The following RASL10B variants were observed in gnomAD, a reference collection of about 807,000 sequenced individuals.
RASL10B encodes the protein RAS like family 10 member B, also known as ras-like protein family member 10B.
In RASL10B, 10 loss-of-function variants were observed where a neutral mutation model predicts 20.7. That is an observed-to-expected ratio of 0.48 (90% CI 0.30 to 0.82). The LOEUF is 0.82. Among genes scored for constraint, RASL10B ranks in the 40% least tolerant of loss-of-function variants. The pLI is 0.07. For synonymous variants in RASL10B, 110 were observed against 123.3 expected, an observed-to-expected ratio of 0.89 and a Z score of 0.72; for missense variants, 231 against 295.4, an observed-to-expected ratio of 0.78 and a Z score of 1.60.
chr17:35,736,074 C>T (rs782321296), intron 2 of RASL10B, among the ~76,000 whole-genome samples: 2 of 152,202 alleles, frequency 1.3e-5, no homozygotes, highest in Non-Finnish European at 2.9e-5. Flanking sequence ...GACCTCAGGA[C>T]CTGCCTGCTG....
In RASL10B at chr17:35,740,528, G is replaced by T; in HGVS notation, c.336G>T (p.Glu112Asp). The change falls in exon 3 of 4, where the codon GAG (glutamate) becomes GAT (aspartate). Residue 112 changes from glutamate to aspartate, a missense_variant. Transcript: ENST00000603017. ...YVKTIRQQIL[E>D]TRVIGTSETP... ...AGACCATCCGCCAGCAGATCCTGGA[G>T]ACGAGGTGAGAGGCTGGAACACAGT... 6.2e-7 allele frequency: 1 copy of T among 1,613,406 alleles called. No individual in the cohort carries two copies. Among genetic ancestry groups the T allele is most frequent in the South Asian group, 1.1e-5 (1 of 91,024 alleles).
At position 35,735,444 on chromosome 17, in the gene RASL10B, G is replaced by C. The variant is rs782819445; in HGVS notation, c.216+44G>C. 7.5e-6 allele frequency: 12 copies of C among 1,590,004 alleles called. No homozygotes were observed. The highest frequency in any genetic ancestry group is 1.7e-4 in the Middle Eastern group (1 of 5,994). On this transcript the variant is annotated intron_variant, in intron 2 of 3. Transcript: ENST00000603017. This position sits in a 1 kb window ranked among gnomAD's most constrained non-coding sequence, Gnocchi z 6.7. ...GCATGGGTTAGTGGGGAAACGGATG[G>C]GTAGGGGAGAGGCTGGATTCCAAAC...
intron 1 of RASL10B, among the ~76,000 whole-genome samples, chr17:35,733,370 CA>C (rs2085571396): frequency 6.6e-6 from 1 of 152,202 alleles, no homozygotes; most frequent in African/African-American, 2.4e-5. Flanking sequence ...GTTTCTTGCC[CA>C]AGGTCACACT....
In RASL10B at chr17:35,741,443, G is replaced by A. The variant is rs1330737125; in HGVS notation, c.*138G>A. 1 of 1,262,736 alleles carries A rather than the reference G, an allele frequency of 7.9e-7. No homozygotes were observed. Among genetic ancestry groups the A allele is most frequent in the Admixed American group, 4.0e-5 (1 of 25,138 alleles). 78.2% of individuals were successfully genotyped at this position (1,262,736 alleles called of 1,614,324 possible). A position where few individuals can be genotyped will look rare whatever the true frequency, so the allele number is the denominator to read the frequency against. On this transcript the variant is annotated 3_prime_UTR_variant, in exon 4 of 4. Coordinates refer to ENST00000603017, the MANE Select transcript of RASL10B (RefSeq NM_033315.4). Reference sequence around the variant, plus strand: ...AGGCCCCTGCAGCCACGCACCTCCCGGTGAGAAGCAGAGCGCGAGAGGGAG... The same window carrying A: ...AGGCCCCTGCAGCCACGCACCTCCCAGTGAGAAGCAGAGCGCGAGAGGGAG...
chr17:35,740,851 A>G (rs1196821391), intron 3 of RASL10B, among the ~76,000 whole-genome samples, 184 bp from the exon 4 acceptor site: 4 of 152,380 alleles, frequency 2.6e-5, no homozygotes, highest in African/African-American at 4.8e-5. Flanking sequence ...AAATGGGGAT[A>G]ACAGTAGAAC....
In RASL10B at chr17:35,741,524, C is replaced by T. The variant is rs1286735860; in HGVS notation, c.*219C>T. 1 of 641,346 alleles carries T rather than the reference C, an allele frequency of 1.6e-6. No individual in the cohort carries two copies. The highest frequency in any genetic ancestry group is 2.4e-6 in the Non-Finnish European group (1 of 420,912). 39.7% of individuals were successfully genotyped at this position (641,346 alleles called of 1,614,324 possible). Reference sequence around the variant, plus strand: ...CCCCCGTGGCTTCCTGGGACAGCCGCCTTCAGTGCTGTATTTAGTGCAGTG... The same window carrying T: ...CCCCCGTGGCTTCCTGGGACAGCCGTCTTCAGTGCTGTATTTAGTGCAGTG... On this transcript the variant is annotated 3_prime_UTR_variant, in exon 4 of 4. Coordinates refer to ENST00000603017, the MANE Select transcript of RASL10B (RefSeq NM_033315.4).
intron 1 of RASL10B, among the ~76,000 whole-genome samples, chr17:35,732,123 C>A (rs1236449019): frequency 6.6e-6 from 1 of 152,014 alleles, no homozygotes; most frequent in Non-Finnish European, 1.5e-5. Flanking sequence ...TACATCCCCC[C>A]AAACTCCTAC....
intron 2 of RASL10B, among the ~76,000 whole-genome samples, chr17:35,738,550 T>A (rs2085609288): frequency 6.6e-6 from 1 of 152,150 alleles, no homozygotes; most frequent in Non-Finnish European, 1.5e-5. Flanking sequence ...AAAGGAATTA[T>A]CAGCAAATGC....
At chr17:35,732,729 G>A (rs1555596530) in intron 1 of RASL10B, among the ~76,000 whole-genome samples, 2 of 152,042 alleles carry the variant, frequency 1.3e-5, no homozygotes, top group Non-Finnish European at 2.9e-5. Context: ...CTGCAGGTAG[G>A]GTGCATCCTA....
At chr17:35,733,938 G>C (rs1464932365) in intron 1 of RASL10B, among the ~76,000 whole-genome samples, 2 of 152,202 alleles carry the variant, frequency 1.3e-5, no homozygotes, top group Admixed American at 1.3e-4. Context: ...CAGGCCCTCT[G>C]GGCTCTAGGG....
chr17:35,740,033 T>C (rs1460414278), intron 2 of RASL10B, among the ~76,000 whole-genome samples: 2 of 152,134 alleles, frequency 1.3e-5, no homozygotes, highest in African/African-American at 2.4e-5. Flanking sequence ...CCTTGGAAGA[T>C]AGAATTTTAA....
intron 1 of RASL10B, among the ~76,000 whole-genome samples, chr17:35,733,452 T>A (rs964549456): frequency 2.0e-5 from 3 of 152,258 alleles, no homozygotes. Context: ...GTATTTACTA[T>A]GCTGTGTGCG....
intron 2 of RASL10B, chr17:35,736,749 T>A (rs1168946248): frequency 6.6e-6 from 1 of 152,222 alleles, no homozygotes. Flanking sequence ...CTTTCTTTTT[T>A]AAAATTTATT....
chr17:35,740,554 C>T (rs1555597769), intron 3 of RASL10B, 21 bp downstream of exon 3: 1 of 1,608,402 alleles, frequency 6.2e-7, no homozygotes, highest in Non-Finnish European at 8.5e-7. Context: ...GGAACACAGT[C>T]CATTGCCACC....
In RASL10B at chr17:35,735,168, G is replaced by A. The variant is rs373548797; in HGVS notation, c.-17G>A. On this transcript the variant is annotated 5_prime_UTR_variant, in exon 2 of 4. Transcript: ENST00000603017. This position sits in a 1 kb window ranked among gnomAD's most constrained non-coding sequence, Gnocchi z 6.7. ...CAGACAGCGGCAAGGACGAGGTGGCGGAGTGGGGCGGGAGGCATGGTCTCC... is the reference window on the plus strand; with the variant it reads ...CAGACAGCGGCAAGGACGAGGTGGCAGAGTGGGGCGGGAGGCATGGTCTCC... 9.6e-5 allele frequency: 153 copies of A among 1,600,890 alleles called. No individual in the cohort carries two copies. Among genetic ancestry groups the A allele is most frequent in the African/African-American group, 5.7e-4 (43 of 74,952 alleles).
At chr17:35,734,956 T>A in intron 1 of RASL10B, 82 bp from the exon 2 acceptor site, 1 of 573,162 alleles carries the variant, frequency 1.7e-6, no homozygotes, top group Non-Finnish European at 3.1e-6. Context: ...AGTAACAGCT[T>A]CAGCAAAGTC....
chr17:35,739,014 C>T (rs1024632218), intron 2 of RASL10B, among the ~76,000 whole-genome samples: 9 of 152,204 alleles, frequency 5.9e-5, no homozygotes, highest in Admixed American at 3.9e-4. Flanking sequence ...GCCTAAGAAA[C>T]CAGTTTCCTA....
Position 35,741,138 on chromosome 17 carries a change from A to C in RASL10B, c.445A>C (p.Lys149Gln), listed in dbSNP as rs782039018. 7 of 1,613,556 alleles carry C rather than the reference A, an allele frequency of 4.3e-6. No individual in the cohort carries two copies. The highest frequency in any genetic ancestry group is 5.1e-6 in the Non-Finnish European group (6 of 1,180,026). ...CTGGAACGTGTCGCACCTGGTACGCAAGACCTGGAAGTGCGGCTACGTGGA... is the reference window on the plus strand; with the variant it reads ...CTGGAACGTGTCGCACCTGGTACGCCAGACCTGGAAGTGCGGCTACGTGGA... The part of the protein sequence containing the change: ...PRWNVSHLVR[K>Q]TWKCGYVECS... The change falls in exon 4 of 4, where the codon AAG (lysine) becomes CAG (glutamine). Residue 149 changes from lysine (K) to glutamine (Q), a missense_variant. Transcript: ENST00000603017.
At chr17:35,737,699 C>A (rs1434865434) in intron 2 of RASL10B, among the ~76,000 whole-genome samples, 1 of 151,338 alleles carries the variant, frequency 6.6e-6, no homozygotes, top group African/African-American at 2.4e-5. Context: ...CTCAGGAGTT[C>A]GAGACCAGCC....
Sources: allele counts gnomAD v4.1 joint callset (sites outside exome capture counted in the v4.1 genomes callset), GRCh38; gene constraint gnomAD v4.1.1; non-coding constraint Gnocchi (gnomAD v3.1); transcripts MANE v1.5; gene names NCBI Gene and HGNC (gene_info 2026-07-23, HGNC 2026-07-21).